Variants in FAM135A observed in about 807,000 individuals in gnomAD.
FAM135A encodes the protein protein FAM135A.
FAM135A carries 79 observed loss-of-function variants against 146.8 expected under a neutral mutation model. That is an observed-to-expected ratio of 0.54 (90% CI 0.45 to 0.65). The LOEUF (loss-of-function observed/expected upper bound fraction) is 0.65, where lower values mean the gene tolerates loss of function less well. Among genes scored for constraint, FAM135A ranks in the 30% least tolerant of loss-of-function variants. The pLI is 0.00. For synonymous variants in FAM135A, 562 were observed against 603.6 expected, an observed-to-expected ratio of 0.93 and a Z score of 1.01; for missense variants, 1,623 against 1,758.2, an observed-to-expected ratio of 0.92 and a Z score of 1.38.
chr6:70,553,959 A>G (rs916234646), intron 20 of FAM135A, among the ~76,000 whole-genome samples: 3 of 152,302 alleles, frequency 2.0e-5, no homozygotes, highest in African/African-American at 7.2e-5. Context: ...TAGAATAATA[A>G]TAGGCTTATA....
In FAM135A at chr6:70,462,030, G is replaced by T. The variant is rs547654636; in HGVS notation, c.157+9459G>T. ...CCCAGTAGTTAAAATGCTGAAATAAGGTGGACTCTAGGATCTCAGAACCAG... is the reference window on the plus strand; with the variant it reads ...CCCAGTAGTTAAAATGCTGAAATAATGTGGACTCTAGGATCTCAGAACCAG... On this transcript the variant is annotated intron_variant, in intron 5 of 21. Transcript: ENST00000418814. 8.5e-5 allele frequency among the ~76,000 whole-genome samples: 13 copies of T among 152,160 alleles called. No homozygotes were observed. In the East Asian group the frequency reaches 2.5e-3, roughly 29 times the overall value.
rs1782777306 is a variant in FAM135A, at chr6:70,477,162, A to G, written c.372A>G (p.Ala124=). The G allele has an allele frequency of 1.2e-6, 2 of 1,612,810 alleles. No homozygotes were observed. Among genetic ancestry groups the G allele is most frequent in the Non-Finnish European group, 8.5e-7 (1 of 1,179,342 alleles). Residue 124 remains alanine, a synonymous_variant, in exon 8 of 22, where the codon GCA becomes GCG. Transcript: ENST00000418814. ...DLHFTDGDYS[A]DDLNALQLIS... ...TGCTAAGTGTTCCTTTTTACAGGGC[A>G]GATGATCTGAATGCCTTGCAACTAA... is the stretch of plus-strand genomic sequence containing the variant.
chr6:70,482,203 C>T, intron 10 of FAM135A, 49 bp downstream of exon 10: 1 of 1,584,994 alleles, frequency 6.3e-7, no homozygotes, highest in Non-Finnish European at 8.6e-7. Flanking sequence ...TCATTCTCTT[C>T]AGTCTTATAT....
At chr6:70,446,198 T>A (rs558844512) in intron 4 of FAM135A, among the ~76,000 whole-genome samples, 16 of 152,352 alleles carry the variant, frequency 1.1e-4, no homozygotes, top group African/African-American at 3.4e-4. Flanking sequence ...AGATGCTTTT[T>A]TATTCTTTCC....
chr6:70,442,798 AAACCT>A (rs1178831422), intron 4 of FAM135A, among the ~76,000 whole-genome samples: 2 of 152,206 alleles, frequency 1.3e-5, no homozygotes, highest in Non-Finnish European at 2.9e-5. Flanking sequence ...GTACATAATC[AAACCT>A]TTAGATTAAA....
chr6:70,523,968 G>A lies in FAM135A; in HGVS notation c.1105G>A (p.Ala369Thr). 6.2e-7 allele frequency: 1 copy of A among 1,605,274 alleles called. No homozygotes were observed. Among genetic ancestry groups the A allele is most frequent in the Non-Finnish European group, 8.5e-7 (1 of 1,177,650 alleles). ...TCTGACTGAAGAAATATTTTTCAGT[G>A]CTCAGAGTCATCTACAGATGTGCAC... Reference protein sequence around the residue: ...EAAIAYQELHAQSHLQMCTAI... With the variant: ...EAAIAYQELHTQSHLQMCTAI... The change falls in exon 14 of 22, where the codon GCT (alanine) becomes ACT (threonine). Residue 369 changes from alanine (A) to threonine (T), a missense_variant and splice_region_variant. Ala to Thr is a moderately conservative substitution (Grantham distance 58). Transcript: ENST00000418814.
intron 4 of FAM135A, among the ~76,000 whole-genome samples, chr6:70,438,118 C>T (rs959911090): frequency 6.6e-6 from 1 of 152,038 alleles, no homozygotes; most frequent in African/African-American, 2.4e-5. Flanking sequence ...GTAGCAAAAA[C>T]AGAAAATACA....
At chr6:70,537,958 T>A (rs1797084464) in intron 19 of FAM135A, among the ~76,000 whole-genome samples, 1 of 147,600 alleles carries the variant, frequency 6.8e-6, no homozygotes, top group Non-Finnish European at 1.5e-5. Flanking sequence ...AAGTTTTTCT[T>A]CATCTTCTTC....
intron 4 of FAM135A, among the ~76,000 whole-genome samples, chr6:70,435,311 G>T (rs1381214682): frequency 6.6e-6 from 1 of 151,514 alleles, no homozygotes; most frequent in African/African-American, 2.4e-5. Flanking sequence ...TGCCCTGTTG[G>T]CCAGGCTGGT....
In FAM135A at chr6:70,516,901, G is replaced by A. The variant is rs574623933; in HGVS notation, c.1030-5612G>A. ...TAGTAGAGGGGAAAAGTTAGGAATA[G>A]CTTGTATAGCCATTCTTTTCCACTT... is the stretch of plus-strand genomic sequence containing the variant. On this transcript the variant is annotated intron_variant, in intron 12 of 21. Transcript: ENST00000418814. Among the ~76,000 whole-genome samples the A allele has an allele frequency of 6.2e-4, 95 of 152,168 alleles. 1 individual carries two copies. Among genetic ancestry groups the A allele is most frequent in the Middle Eastern group, 3.4e-3 (1 of 294 alleles).
At position 70,428,357 on chromosome 6, in the gene FAM135A, A is replaced by G. The variant is rs546045292; in HGVS notation, c.15A>G (p.Gln5=). Residue 5 remains glutamine (Q), a synonymous_variant, in exon 4 of 22, where the codon CAA becomes CAG. Transcript: ENST00000418814. Reference sequence around the variant, plus strand: ...ATAAATTAAAAATGACTGAAGTTCAAGCAATGGTAGAATTCTCTGTGGAGC... The same window carrying G: ...ATAAATTAAAAATGACTGAAGTTCAGGCAATGGTAGAATTCTCTGTGGAGC... MTEV[Q]AMVEFSVELN... 4 of 1,600,482 alleles carry G rather than the reference A, an allele frequency of 2.5e-6. No homozygotes were observed. The East Asian group carries it at 9.0e-5, about 36-fold the overall frequency.
Position 70,455,576 on chromosome 6 carries a change from G to A in FAM135A, c.157+3005G>A, listed in dbSNP as rs576170354. On this transcript the variant is annotated intron_variant, in intron 5 of 21. Transcript: ENST00000418814. Reference sequence around the variant, plus strand: ...AAGTCTACTTTCACGAAACATAGAGGTAATAAAACAAGGTGACATGACATG... The same window carrying A: ...AAGTCTACTTTCACGAAACATAGAGATAATAAAACAAGGTGACATGACATG... Among the ~76,000 whole-genome samples the A allele has an allele frequency of 2.0e-5, 3 of 152,104 alleles. No individual in the cohort carries two copies. In the South Asian group the frequency reaches 6.2e-4, roughly 32 times the overall value.
chr6:70,488,006 G>A (rs1390901896), intron 10 of FAM135A, among the ~76,000 whole-genome samples: 1 of 152,022 alleles, frequency 6.6e-6, no homozygotes, highest in African/African-American at 2.4e-5. Context: ...ATAAATATTT[G>A]TTGAATGAAT....
chr6:70,560,898 A>G lies in FAM135A; in HGVS notation c.*977A>G, dbSNP rs1398258850. On this transcript the variant is annotated 3_prime_UTR_variant, in exon 22 of 22. Coordinates refer to ENST00000418814, the MANE Select transcript of FAM135A (RefSeq NM_001162529.3). ...TAATTAACTTTACATGTTTGGTGAT[A>G]CAGATGCAAATGTTTTTGATATATG... 6.6e-6 allele frequency: 1 copy of G among 152,600 alleles called. No homozygotes were observed. The highest frequency in any genetic ancestry group is 1.5e-5 in the Non-Finnish European group (1 of 67,990). The allele number at this position is 152,600 out of a possible 1,614,324, so 9.5% of individuals were successfully genotyped here.
intron 4 of FAM135A, among the ~76,000 whole-genome samples, chr6:70,436,126 G>A (rs1773079791): frequency 6.6e-6 from 1 of 151,620 alleles, no homozygotes; most frequent in Non-Finnish European, 1.5e-5. Flanking sequence ...GGAGGTTGCA[G>A]TGAGCTGAGA....
chr6:70,560,129 A>T lies in FAM135A; in HGVS notation c.*208A>T, dbSNP rs1311660410. ...GGCTGTGCAATATTTTTTTAATTTT[A>T]TCTTTTTACTTTTCTATTACTTTTT... On this transcript the variant is annotated 3_prime_UTR_variant, in exon 22 of 22. Transcript: ENST00000418814. 6 of 484,138 alleles carry T rather than the reference A, an allele frequency of 1.2e-5. No homozygotes were observed. In the East Asian group the frequency reaches 2.2e-4, roughly 17 times the overall value. 30.0% of individuals were successfully genotyped at this position (484,138 alleles called of 1,614,324 possible). A position where few individuals can be genotyped will look rare whatever the true frequency, so the allele number is the denominator to read the frequency against.
intron 1 of FAM135A, among the ~76,000 whole-genome samples, chr6:70,414,549 C>T (rs1406440229): frequency 6.8e-6 from 1 of 147,710 alleles, no homozygotes; most frequent in African/African-American, 2.5e-5. Flanking sequence ...AGCCTCTTAA[C>T]TTCATTCCAT....
At position 70,525,227 on chromosome 6, in the gene FAM135A, G is replaced by A. The variant is rs1226772542; in HGVS notation, c.2143G>A (p.Glu715Lys). Reference protein sequence around the residue: ...SKSIEITFEKEALQEAKCLSI... With the variant: ...SKSIEITFEKKALQEAKCLSI... ...ATCTATAGAAATAACATTTGAAAAGGAAGCTTTGCAAGAAGCAAAGTGTCT... is the reference window on the plus strand; with the variant it reads ...ATCTATAGAAATAACATTTGAAAAGAAAGCTTTGCAAGAAGCAAAGTGTCT... Residue 715 changes from glutamate to lysine, a missense_variant, in exon 15 of 22, where the codon GAA becomes AAA. Glu to Lys is a moderately conservative substitution (Grantham distance 56). Coordinates refer to ENST00000418814, the MANE Select transcript of FAM135A (RefSeq NM_001162529.3). The A allele has an allele frequency of 1.3e-6, 2 of 1,599,638 alleles. No individual in the cohort carries two copies. The highest frequency in any genetic ancestry group is 3.5e-5 in the Admixed American group (2 of 56,800).
At chr6:70,465,910 A>G (rs1472462163) in intron 5 of FAM135A, among the ~76,000 whole-genome samples, 1 of 152,172 alleles carries the variant, frequency 6.6e-6, no homozygotes, top group Admixed American at 6.5e-5. Context: ...TTTTATCTTC[A>G]TTTGACTAAC....
Sources: gnomAD v4.1 joint callset for allele counts (sites outside exome capture counted in the v4.1 genomes callset) on GRCh38, gnomAD v4.1.1 for gene constraint, MANE v1.5 for transcripts, NCBI Gene and HGNC (gene_info 2026-07-23, HGNC 2026-07-21) for gene names.